Variants in TRPM1 observed in about 807,000 individuals in gnomAD.
TRPM1 encodes transient receptor potential cation channel subfamily M member 1, also known as TRPM1-203 APA Isoform, Intron 10.
Under a neutral mutation model 149.4 loss-of-function variants are expected in TRPM1, and 113 were observed. The ratio of observed to expected loss-of-function variants is 0.76; its 90% CI spans 0.65 to 0.88. The LOEUF (loss-of-function observed/expected upper bound fraction) is 0.88. Ranked by LOEUF, TRPM1 falls within the 40% of genes least tolerant of loss-of-function variation. The pLI, the probability that TRPM1 is intolerant of heterozygous loss-of-function variation, is 0.00. For synonymous variants in TRPM1, 741 were observed against 759.5 expected, an observed-to-expected ratio of 0.98 and a Z score of 0.40; for missense variants, 1,976 against 2,038.7, an observed-to-expected ratio of 0.97 and a Z score of 0.59.
chr15:31,082,286 C>G (rs1362909410), intron 1 of TRPM1, among the ~76,000 whole-genome samples: 1 of 152,180 alleles, frequency 6.6e-6, no homozygotes, highest in Non-Finnish European at 1.5e-5. Flanking sequence ...AGCACTGGCA[C>G]TGGAGATGGA....
chr15:31,035,149 C>T (rs1307369825), intron 21 of TRPM1, among the ~76,000 whole-genome samples: 1 of 152,196 alleles, frequency 6.6e-6, no homozygotes, highest in Non-Finnish European at 1.5e-5. Flanking sequence ...AAATTACAGG[C>T]AACTGCCACA....
intron 27 of TRPM1, among the ~76,000 whole-genome samples, chr15:31,024,370 G>A (rs2032648605): frequency 6.6e-6 from 1 of 152,144 alleles, no homozygotes; most frequent in South Asian, 2.1e-4. Flanking sequence ...TTGGCTAAGA[G>A]GGAAGGAAAA....
At chr15:31,035,983 C>T (rs2033350070) in intron 20 of TRPM1, 1 of 426,148 alleles carries the variant, frequency 2.3e-6, no homozygotes, top group South Asian at 2.1e-5. Flanking sequence ...TAACGGGAAA[C>T]TTTTAATAGT....
Position 31,061,326 on chromosome 15 carries a change from C to T in TRPM1, c.1162+116G>A. On this transcript the variant is annotated intron_variant, in intron 10 of 27. Coordinates refer to ENST00000256552, the MANE Select transcript of TRPM1 (RefSeq NM_001252024.2). ...CTTCATGCTGAGACTGCTCAAGTGG[C>T]CTGGCTGGCTCAGGGTCTAGCACCA... 1.3e-5 allele frequency: 13 copies of T among 1,003,742 alleles called. No homozygotes were observed. The South Asian group carries it at 1.3e-4, about 10-fold the overall frequency. 62.2% of individuals were successfully genotyped at this position (1,003,742 alleles called of 1,614,324 possible). A position where few individuals can be genotyped will look rare whatever the true frequency, so the allele number is the denominator to read the frequency against.
intron 1 of TRPM1, among the ~76,000 whole-genome samples, chr15:31,131,322 C>T (rs577234153): frequency 2.0e-5 from 3 of 152,100 alleles, no homozygotes; most frequent in Non-Finnish European, 4.4e-5. Context: ...AAGAGACGAG[C>T]GCAGTGCTTC....
chr15:31,157,420 C>T (rs745565797), intron 1 of TRPM1, among the ~76,000 whole-genome samples: 8 of 152,116 alleles, frequency 5.3e-5, no homozygotes, highest in Non-Finnish European at 2.9e-5. Flanking sequence ...TTTCCTTGTA[C>T]ACATGTGCTA....
At chr15:31,088,599 C>G (rs1312120600) in intron 1 of TRPM1, among the ~76,000 whole-genome samples, 1 of 152,196 alleles carries the variant, frequency 6.6e-6, no homozygotes, top group African/African-American at 2.4e-5. Flanking sequence ...AAGAACCCAC[C>G]GGAAGGAAGA....
chr15:31,102,450 G>A (rs939975995), upstream of TRPM1, among the ~76,000 whole-genome samples: 1 of 152,202 alleles, frequency 6.6e-6, no homozygotes, highest in Non-Finnish European at 1.5e-5. Context: ...GAGGCTCTTG[G>A]GCATTGTCCG....
intron 1 of TRPM1, among the ~76,000 whole-genome samples, chr15:31,113,340 G>A (rs767060589): frequency 1.3e-5 from 2 of 152,008 alleles, no homozygotes; most frequent in African/African-American, 4.8e-5. Context: ...GGAAAGACTT[G>A]GAAAGAGCCA....
At chr15:31,144,791 C>T (rs566249752) in intron 1 of TRPM1, among the ~76,000 whole-genome samples, 405 of 149,674 alleles carry the variant, frequency 2.7e-3, no homozygotes, top group Non-Finnish European at 4.5e-3. Flanking sequence ...TCTCGGCTCA[C>T]TGCAACCTCC....
At chr15:31,131,293 TG>T (rs756836669) in intron 1 of TRPM1, among the ~76,000 whole-genome samples, 5 of 152,214 alleles carry the variant, frequency 3.3e-5, no homozygotes, top group Non-Finnish European at 7.3e-5. Context: ...GTAGTGATGC[TG>T]GCAATTCAGA....
At chr15:31,088,614 T>C (rs142626863) in intron 1 of TRPM1, among the ~76,000 whole-genome samples, 2 of 152,210 alleles carry the variant, frequency 1.3e-5, no homozygotes, top group East Asian at 1.9e-4. Flanking sequence ...GGAAGAAACG[T>C]AGGAAACATC....
chr15:31,118,669 C>A (rs1343115638), intron 1 of TRPM1, among the ~76,000 whole-genome samples: 5 of 152,118 alleles, frequency 3.3e-5, no homozygotes, highest in Non-Finnish European at 7.4e-5. Flanking sequence ...TTGAAGATTG[C>A]CAACTTCTCA....
At chr15:31,063,911 A>G (rs2034301923) in intron 7 of TRPM1, among the ~76,000 whole-genome samples, 1 of 152,140 alleles carries the variant, frequency 6.6e-6, no homozygotes, top group African/African-American at 2.4e-5. Context: ...AAATATTGGA[A>G]GGTATTCCTG....
intron 1 of TRPM1, among the ~76,000 whole-genome samples, chr15:31,140,489 T>TC (rs1303387051): frequency 2.0e-5 from 3 of 152,188 alleles, no homozygotes; most frequent in African/African-American, 2.4e-5. Flanking sequence ...TGAATGCCTT[T>TC]CCCCCGCCCC....
chr15:31,159,417 T>C (rs1201714832), intron 1 of TRPM1, among the ~76,000 whole-genome samples: 1 of 152,190 alleles, frequency 6.6e-6, no homozygotes, highest in Non-Finnish European at 1.5e-5. Context: ...GGAGGTCACG[T>C]GGAGCCACCT....
intron 9 of TRPM1, 55 bp from the exon 10 acceptor site, chr15:31,061,569 G>A: frequency 4.0e-6 from 6 of 1,487,256 alleles, no homozygotes; most frequent in Non-Finnish European, 5.6e-6. Flanking sequence ...AAGGAGATAT[G>A]GGGTGTTGTT....
intron 3 of TRPM1, among the ~76,000 whole-genome samples, chr15:31,074,725 G>C (rs572259311): frequency 1.4e-4 from 21 of 152,028 alleles, no homozygotes; most frequent in African/African-American, 5.1e-4. Context: ...ACTTGCTTTA[G>C]GTTTAGTTTA....
At position 31,002,784 on chromosome 15, in the gene TRPM1, A is replaced by C; in HGVS notation, c.3916T>G (p.Phe1306Val). Residue 1306 changes from phenylalanine (F) to valine (V), a missense_variant, in exon 28 of 28, where the codon TTT becomes GTT. Physicochemically the swap from Phe to Val is conservative, Grantham distance 50. Around this residue, in one of 3 missense-constraint regions of TRPM1, gnomAD observed 572 missense variants for 578.9 expected, o/e 0.99. Coordinates refer to ENST00000256552, the MANE Select transcript of TRPM1 (RefSeq NM_001252024.2). ...RYHFNGEELL[F>V]EDTSLSTSPG... ...GACGTGGAGAGAGATGTATCCTCAAATAATAACTCTTCTCCGTTAAAATGA... is the reference window on the plus strand; with the variant it reads ...GACGTGGAGAGAGATGTATCCTCAACTAATAACTCTTCTCCGTTAAAATGA... 6.2e-7 allele frequency: 1 copy of C among 1,614,160 alleles called. No individual in the cohort carries two copies. The highest frequency in any genetic ancestry group is 8.5e-7 in the Non-Finnish European group (1 of 1,180,010).
Sources: allele counts gnomAD v4.1 joint callset (sites outside exome capture counted in the v4.1 genomes callset), GRCh38; gene constraint gnomAD v4.1.1; regional missense constraint gnomAD v4.1.1; transcripts MANE v1.5; gene names NCBI Gene and HGNC (gene_info 2026-07-23, HGNC 2026-07-21).